SPTBN1: variants seen among roughly 807,000 people sequenced by gnomAD.
SPTBN1 encodes the protein spectrin beta, non-erythrocytic 1.
SPTBN1 carries 32 observed loss-of-function variants against 266.4 expected under a neutral mutation model. The observed-to-expected ratio is 0.12, with a 90% CI of 0.09 to 0.16. The LOEUF (loss-of-function observed/expected upper bound fraction) is 0.16, where lower values mean the gene tolerates loss of function less well. SPTBN1 is among the 10% of genes least tolerant of loss of function. The pLI, the probability that SPTBN1 is intolerant of heterozygous loss-of-function variation, is 1.00. For synonymous variants in SPTBN1, 1,336 were observed against 1,162.2 expected, an observed-to-expected ratio of 1.15 and a Z score of -3.04; for missense variants, 2,296 against 3,067.1, an observed-to-expected ratio of 0.75 and a Z score of 5.94.
chr2:54,591,105 A>G (rs1675651551), intron 2 of SPTBN1, among the ~76,000 whole-genome samples: 1 of 152,126 alleles, frequency 6.6e-6, no homozygotes. Flanking sequence ...TCTTTTTGTT[A>G]TTTTTTAACT....
chr2:54,504,234 G>A (rs1454973733), intron 1 of SPTBN1, among the ~76,000 whole-genome samples: 1 of 152,224 alleles, frequency 6.6e-6, no homozygotes, highest in Admixed American at 6.5e-5. Context: ...CAAAGGTCCT[G>A]CAAGGCACAG....
At chr2:54,610,513 C>T (rs960824876) in intron 3 of SPTBN1, among the ~76,000 whole-genome samples, 32 of 152,312 alleles carry the variant, frequency 2.1e-4, no homozygotes, top group African/African-American at 7.2e-4. Context: ...AGTCTGCCCG[C>T]CTCAGCCTCC....
At chr2:54,545,573 A>G (rs1159226980) in intron 2 of SPTBN1, 1 of 152,232 alleles carries the variant, frequency 6.6e-6, no homozygotes, top group African/African-American at 2.4e-5. Context: ...GGACATTAAA[A>G]TCCAGCAAAA....
chr2:54,515,437 A>G (rs1670062052), intron 1 of SPTBN1, among the ~76,000 whole-genome samples: 1 of 152,206 alleles, frequency 6.6e-6, no homozygotes, highest in African/African-American at 2.4e-5. Context: ...CATCTTCATT[A>G]AAGGAGATGA....
At chr2:54,546,026 A>G (rs950504152) in intron 2 of SPTBN1, among the ~76,000 whole-genome samples, 3 of 152,110 alleles carry the variant, frequency 2.0e-5, no homozygotes, top group African/African-American at 7.2e-5. Flanking sequence ...TTAATGTTTT[A>G]TGCTTGATGA....
rs542270381 is a variant in SPTBN1 at position 54,667,575 on chromosome 2, G to A, written c.6834-29G>A. On this transcript the variant is annotated intron_variant, in intron 34 of 35. Coordinates refer to ENST00000356805, the MANE Select transcript of SPTBN1 (RefSeq NM_003128.3). ...ATTTTTATTTCTCTGTAATTAAGTG[G>A]TGACTAACTTTCTTCCTTGAAATTA... is the stretch of plus-strand genomic sequence containing the variant. 4.3e-6 allele frequency: 7 copies of A among 1,609,914 alleles called. No homozygotes were observed. In the South Asian group the frequency reaches 6.6e-5, roughly 15 times the overall value.
chr2:54,603,211 C>A (rs1483658286), intron 3 of SPTBN1, among the ~76,000 whole-genome samples: 6 of 152,058 alleles, frequency 3.9e-5, no homozygotes, highest in African/African-American at 1.4e-4. Flanking sequence ...AGAAGAGCTT[C>A]ACAGGCCGGG....
At chr2:54,564,067 C>T (rs1370820651) in intron 2 of SPTBN1, among the ~76,000 whole-genome samples, 1 of 152,206 alleles carries the variant, frequency 6.6e-6, no homozygotes, top group Non-Finnish European at 1.5e-5. Context: ...ATACATACTG[C>T]TGGCATGGAA....
Position 54,647,193 on chromosome 2 carries a change from C to G in SPTBN1, c.4929C>G (p.Asp1643Glu). ...KHQILEQAVE[D>E]YAETVHQLSK... ...AGATCTTAGAACAAGCTGTGGAGGA[C>G]TATGCAGAGACCGTGCATCAGCTCT... The change falls in exon 24 of 36, where the codon GAC (aspartate) becomes GAG (glutamate). Residue 1643 changes from aspartate (D) to glutamate (E), a missense_variant. Physicochemically the swap from Asp to Glu is conservative, Grantham distance 45. Coordinates refer to ENST00000356805, the MANE Select transcript of SPTBN1 (RefSeq NM_003128.3). The G allele has an allele frequency of 6.2e-7, 1 of 1,614,184 alleles. No individual in the cohort carries two copies.
In SPTBN1 at chr2:54,659,835, C is replaced by T. The variant is rs571292072; in HGVS notation, c.6357-101C>T. ...AATTAAATTATGTGAAAAGGTTGCA[C>T]GTAATAAAATTGAGTGATGATGTTC... On this transcript the variant is annotated intron_variant, in intron 31 of 35. Coordinates refer to ENST00000356805, the MANE Select transcript of SPTBN1 (RefSeq NM_003128.3). 363 of 1,479,916 alleles carry T rather than the reference C, an allele frequency of 2.5e-4. 1 individual carries two copies. In the Middle Eastern group the frequency reaches 4.8e-3, roughly 20 times the overall value. 91.7% of individuals were successfully genotyped at this position (1,479,916 alleles called of 1,614,324 possible). A position where few individuals can be genotyped will look rare whatever the true frequency, so the allele number is the denominator to read the frequency against.
chr2:54,625,348 A>C (rs1054958855), intron 11 of SPTBN1, among the ~76,000 whole-genome samples: 4 of 152,176 alleles, frequency 2.6e-5, no homozygotes, highest in Non-Finnish European at 5.9e-5. Context: ...GACATAAGCT[A>C]TCACCTGCTC....
At chr2:54,551,423 G>A (rs577416355) in intron 2 of SPTBN1, among the ~76,000 whole-genome samples, 2 of 152,362 alleles carry the variant, frequency 1.3e-5, no homozygotes, top group South Asian at 2.1e-4. Context: ...CCTCTGGACC[G>A]GGGCATTCTT....
chr2:54,520,403 G>A (rs961955985), intron 1 of SPTBN1: 1 of 152,156 alleles, frequency 6.6e-6, no homozygotes, highest in Non-Finnish European at 1.5e-5. Context: ...CAGAGCTGTA[G>A]AAGCCTCTTT....
At chr2:54,579,304 C>A (rs576380349) in intron 2 of SPTBN1, among the ~76,000 whole-genome samples, 1 of 152,216 alleles carries the variant, frequency 6.6e-6, no homozygotes, top group South Asian at 2.1e-4. Context: ...GAGAATGTCA[C>A]CCAGAGATCG....
rs762450110 is a variant in SPTBN1, at chr2:54,645,887, C to G, written c.4495-41C>G. ...TGCTCGTTTGTGTCGTATATTTGTT[C>G]CTCTGAGTGGATCTGACCACTTATT... On this transcript the variant is annotated intron_variant, in intron 21 of 35. Transcript: ENST00000356805. This position sits in a 1 kb window ranked among gnomAD's most constrained non-coding sequence, Gnocchi z 4.3. 61 of 1,604,010 alleles carry G rather than the reference C, an allele frequency of 3.8e-5. No individual in the cohort carries two copies. Among genetic ancestry groups the G allele is most frequent in the Non-Finnish European group, 4.8e-5 (56 of 1,171,260 alleles).
At chr2:54,616,423 G>A (rs530773715) in intron 5 of SPTBN1, 125 bp downstream of exon 5, 34 of 691,924 alleles carry the variant, frequency 4.9e-5, no homozygotes, top group Non-Finnish European at 6.5e-5. Flanking sequence ...TTGTTAACTC[G>A]CAAGCAGTTG....
intron 32 of SPTBN1, chr2:54,660,793 G>T: frequency 1.0e-6 from 1 of 985,384 alleles, no homozygotes; most frequent in Non-Finnish European, 1.2e-6. Flanking sequence ...GGAGTAAAGT[G>T]CCCGCTGACT....
Position 54,670,885 on chromosome 2 carries a change from G to T in SPTBN1, c.*2316G>T. On this transcript the variant is annotated 3_prime_UTR_variant, in exon 36 of 36. Transcript: ENST00000356805. ...AGAAGACCCCAGTCAAGACGTGTTC[G>T]CCATCAGAGGTTACAGGCCGCACAG... The T allele has an allele frequency of 2.5e-6, 1 of 398,410 alleles. No homozygotes were observed. Among genetic ancestry groups the T allele is most frequent in the East Asian group, 3.6e-5 (1 of 28,074 alleles). 24.7% of individuals were successfully genotyped at this position (398,410 alleles called of 1,614,324 possible).
At chr2:54,596,742 A>T (rs1454316874) in intron 2 of SPTBN1, among the ~76,000 whole-genome samples, 2 of 152,160 alleles carry the variant, frequency 1.3e-5, no homozygotes, top group Non-Finnish European at 2.9e-5. Flanking sequence ...TCTAAGAACC[A>T]TGATAGCCCT....
Sources: allele counts gnomAD v4.1 joint callset (sites outside exome capture counted in the v4.1 genomes callset), GRCh38; gene constraint gnomAD v4.1.1; non-coding constraint Gnocchi (gnomAD v3.1); transcripts MANE v1.5; gene names NCBI Gene and HGNC (gene_info 2026-07-23, HGNC 2026-07-21).